EXOC4: variants seen among roughly 807,000 people sequenced by gnomAD.
EXOC4 encodes exocyst complex component 4, also known as SEC8-like 1.
Under a neutral mutation model 107.2 loss-of-function variants are expected in EXOC4, and 71 were observed. The ratio of observed to expected loss-of-function variants is 0.66; its 90% CI spans 0.55 to 0.81. EXOC4 has a LOEUF of 0.81. EXOC4 is among the 30% of genes least tolerant of loss of function. The probability of loss-of-function intolerance (pLI) is 0.00; values close to 1 mark genes in which losing one functional copy is unlikely to be tolerated. For synonymous variants in EXOC4, 456 were observed against 441.2 expected (o/e 1.03, Z -0.42); for missense variants, 1,108 against 1,189.6 (o/e 0.93, Z 1.01).
chr7:133,713,378 TC>T (rs1794934477), intron 10 of EXOC4, among the ~76,000 whole-genome samples: 1 of 152,200 alleles, frequency 6.6e-6, no homozygotes, highest in Non-Finnish European at 1.5e-5. Flanking sequence ...TATTTTTTTT[TC>T]ACAAAGTTAC....
intron 6 of EXOC4, among the ~76,000 whole-genome samples, chr7:133,368,812 T>C (rs1796301860): frequency 1.3e-5 from 2 of 152,318 alleles, no homozygotes; most frequent in East Asian, 3.9e-4. Context: ...GTTATTTTTT[T>C]CTGAAGGGTA....
At chr7:133,668,586 G>T (rs1793869017) in intron 10 of EXOC4, among the ~76,000 whole-genome samples, 1 of 152,178 alleles carries the variant, frequency 6.6e-6, no homozygotes, top group Non-Finnish European at 1.5e-5. Flanking sequence ...AAATTTAACT[G>T]AAGTGTTAAG....
intron 5 of EXOC4, among the ~76,000 whole-genome samples, chr7:133,352,553 G>A (rs1317469160): frequency 2.6e-5 from 4 of 151,780 alleles, no homozygotes; most frequent in Admixed American, 2.0e-4. Context: ...TTGTGCCTTT[G>A]TAGACAGCAT....
At chr7:133,888,504 T>C (rs1300060237) in intron 11 of EXOC4, among the ~76,000 whole-genome samples, 4 of 152,232 alleles carry the variant, frequency 2.6e-5, no homozygotes, top group Non-Finnish European at 5.9e-5. Flanking sequence ...GAACTAATGG[T>C]TTAAACAACT....
chr7:133,535,938 G>C (rs2150925824), intron 9 of EXOC4, among the ~76,000 whole-genome samples: 1 of 152,232 alleles, frequency 6.6e-6, no homozygotes, highest in South Asian at 2.1e-4. Context: ...TAACACATTT[G>C]TTTCTTTTGT....
intron 14 of EXOC4, among the ~76,000 whole-genome samples, chr7:133,984,559 A>G (rs1794070703): frequency 2.6e-5 from 4 of 152,232 alleles, no homozygotes. Context: ...ACTTGAAGAT[A>G]AAATTCAACA....
intron 10 of EXOC4, among the ~76,000 whole-genome samples, chr7:133,717,845 A>G (rs996326870): frequency 5.3e-5 from 8 of 152,306 alleles, no homozygotes; most frequent in South Asian, 2.1e-4. Flanking sequence ...TTAACTAAAG[A>G]TGGTGTATAT....
chr7:133,444,411 G>T (rs78698607), intron 7 of EXOC4, among the ~76,000 whole-genome samples: 1 of 152,142 alleles, frequency 6.6e-6, no homozygotes, highest in Non-Finnish European at 1.5e-5. Context: ...AACAGGTAAC[G>T]TTTTATGTGT....
chr7:133,336,125 C>T (rs1333039789), intron 5 of EXOC4, among the ~76,000 whole-genome samples: 1 of 152,136 alleles, frequency 6.6e-6, no homozygotes, highest in Non-Finnish European at 1.5e-5. Context: ...CAAATATTTT[C>T]TTCCATTTCA....
intron 5 of EXOC4, among the ~76,000 whole-genome samples, chr7:133,354,531 G>A (rs1795982157): frequency 6.6e-6 from 1 of 152,174 alleles, no homozygotes; most frequent in East Asian, 1.9e-4. Flanking sequence ...AATAAAGGCA[G>A]TAGGGGAAGG....
chr7:133,725,408 T>A (rs775118270), intron 10 of EXOC4, among the ~76,000 whole-genome samples: 5 of 152,166 alleles, frequency 3.3e-5, no homozygotes, highest in Non-Finnish European at 5.9e-5. Flanking sequence ...CGAGTTTCAC[T>A]CTTATCACCC....
intron 17 of EXOC4, among the ~76,000 whole-genome samples, chr7:134,032,843 C>G (rs936845879): frequency 6.6e-6 from 1 of 152,206 alleles, no homozygotes; most frequent in African/African-American, 2.4e-5. Context: ...CTGCCCCTTC[C>G]TGACCACTGG....
chr7:133,781,083 C>CCAA (rs1277595982), intron 10 of EXOC4, among the ~76,000 whole-genome samples: 1 of 152,178 alleles, frequency 6.6e-6, no homozygotes, highest in Non-Finnish European at 1.5e-5. Flanking sequence ...TGTGTTCCTG[C>CCAA]CAACACTTTG....
intron 3 of EXOC4, among the ~76,000 whole-genome samples, chr7:133,294,495 TG>T (rs1794475326): frequency 6.6e-6 from 1 of 152,174 alleles, no homozygotes; most frequent in African/African-American, 2.4e-5. Flanking sequence ...TTCCTGAGAT[TG>T]TAGAGATTTT....
intron 10 of EXOC4, among the ~76,000 whole-genome samples, chr7:133,816,744 G>A (rs1436854985): frequency 6.6e-6 from 1 of 152,178 alleles, no homozygotes; most frequent in Non-Finnish European, 1.5e-5. Flanking sequence ...TAAGGAACAT[G>A]CAACCTAGAT....
chr7:133,345,943 C>A (rs923022015), intron 5 of EXOC4, among the ~76,000 whole-genome samples: 3 of 152,196 alleles, frequency 2.0e-5, no homozygotes, highest in African/African-American at 7.2e-5. Flanking sequence ...AATCATGAAT[C>A]TACACTCCAG....
chr7:134,036,910 T>C (rs1795403131), intron 17 of EXOC4, among the ~76,000 whole-genome samples: 1 of 152,194 alleles, frequency 6.6e-6, no homozygotes, highest in South Asian at 2.1e-4. Context: ...ATGATTTCTT[T>C]ACACTTTAGG....
intron 7 of EXOC4, among the ~76,000 whole-genome samples, chr7:133,420,364 C>T (rs1360525702): frequency 6.6e-6 from 1 of 151,784 alleles, no homozygotes; most frequent in Non-Finnish European, 1.5e-5. Context: ...TTAATCCAGT[C>T]TATCATTGTT....
Position 133,997,593 on chromosome 7 carries a change from A to G in EXOC4, c.2308A>G (p.Met770Val), listed in dbSNP as rs1794426271. The G allele has an allele frequency of 3.7e-6, 6 of 1,613,624 alleles. No homozygotes were observed. The highest frequency in any genetic ancestry group is 2.2e-5 in the East Asian group (1 of 44,872). ...TGAACTTGCCAAATCGTTCCAGGAT[A>G]TGGCTGACCGCTGCTTGCTTGTCTT... ...LSELAKSFQD[M>V]ADRCLLVLHL... Residue 770 changes from methionine (M) to valine (V), a missense_variant, in exon 15 of 18, where the codon ATG becomes GTG. By Grantham distance (21) the Met-to-Val change is conservative (BLOSUM62 1). Transcript: ENST00000253861.
Sources: gnomAD v4.1 joint callset for allele counts (sites outside exome capture counted in the v4.1 genomes callset) on GRCh38, gnomAD v4.1.1 for gene constraint, MANE v1.5 for transcripts, NCBI Gene and HGNC (gene_info 2026-07-23, HGNC 2026-07-21) for gene names.